Variants in VPS52 observed in about 807,000 individuals in gnomAD.
VPS52 encodes VPS52 subunit of GARP complex, also known as vacuolar protein sorting-associated protein 52 homolog.
In VPS52, 56 loss-of-function variants were observed where a neutral mutation model predicts 98.7. The observed-to-expected ratio is 0.57, with a 90% CI of 0.46 to 0.71. The LOEUF is 0.71. Ranked by LOEUF, VPS52 falls within the 30% of genes least tolerant of loss-of-function variation. The pLI, the probability that VPS52 is intolerant of heterozygous loss-of-function variation, is 0.00. For missense variants in VPS52, 742 were observed against 925.9 expected (o/e 0.80, Z 2.58); for synonymous variants, 348 against 346.4 (o/e 1.00, Z -0.05).
At chr6:33,260,538 C>G (rs1308278082) in intron 17 of VPS52, among the ~76,000 whole-genome samples, 1 of 152,118 alleles carries the variant, frequency 6.6e-6, no homozygotes, top group Non-Finnish European at 1.5e-5. Flanking sequence ...ACTATGAAAT[C>G]CTACTGAAAC....
rs1275137918 is a variant in VPS52, at chr6:33,267,996, A to C, written c.802T>G (p.Phe268Val). The change falls in exon 9 of 20, where the codon TTC (phenylalanine) becomes GTC (valine). Residue 268 changes from phenylalanine to valine, a missense_variant and splice_region_variant. This residue lies in a region of VPS52 where 590 missense variants were observed against 793.3 expected (regional missense o/e 0.74). Coordinates refer to ENST00000445902, the MANE Select transcript of VPS52 (RefSeq NM_022553.6). This position sits in a 1 kb window ranked among gnomAD's most constrained non-coding sequence, Gnocchi z 4.2. ...TTGCCCAGCAGAAACTGATAGAAGAACCTAGGGGGTCAGGAACATGTCAGT... is the reference window on the plus strand; with the variant it reads ...TTGCCCAGCAGAAACTGATAGAAGACCCTAGGGGGTCAGGAACATGTCAGT... ...IPQTALLKYRFFYQFLLGNER... is the reference protein window; with the variant it reads ...IPQTALLKYRVFYQFLLGNER... 1 of 1,612,864 alleles carries C rather than the reference A, an allele frequency of 6.2e-7. No homozygotes were observed. The highest frequency in any genetic ancestry group is 1.3e-5 in the African/African-American group (1 of 74,896).
In VPS52 at chr6:33,269,831, T is replaced by G. The variant is rs200363713; in HGVS notation, c.229-12A>C. The G allele has an allele frequency of 6.8e-6, 11 of 1,612,692 alleles. No individual in the cohort carries two copies. Among genetic ancestry groups the G allele is most frequent in the Middle Eastern group, 1.6e-4 (1 of 6,080 alleles). ...CGGAGATCTACACCCTGGGAGAACA[T>G]AAAGATGACAGGTCAGAAGGAAGTC... On this transcript the variant is annotated splice_polypyrimidine_tract_variant and intron_variant, in intron 3 of 19. Coordinates refer to ENST00000445902, the MANE Select transcript of VPS52 (RefSeq NM_022553.6).
intron 17 of VPS52, among the ~76,000 whole-genome samples, chr6:33,253,986 T>C (rs1050702339): frequency 6.6e-6 from 1 of 151,276 alleles, no homozygotes; most frequent in African/African-American, 2.5e-5. Context: ...TTTCCCATAA[T>C]AAAATGTTAA....
chr6:33,255,462 CTTT>C lies in VPS52; in HGVS notation c.1795-3494_1795-3492del, dbSNP rs9280383. ...TACAAATGCATGCCACTACGCCTGG[CTTT>C]TTTTTTTTTTTTTTTTTTTTTTTAA... On this transcript the variant is annotated intron_variant, in intron 17 of 19. Transcript: ENST00000445902. Among the ~76,000 whole-genome samples, 46 of 117,222 alleles carry C rather than the reference CTTT, an allele frequency of 3.9e-4. 1 individual carries two copies. The South Asian group carries it at 5.8e-3, about 15-fold the overall frequency. 76.9% of individuals were successfully genotyped at this position (117,222 alleles called of 152,430 possible).
intron 17 of VPS52, among the ~76,000 whole-genome samples, chr6:33,255,462 C>CTT (rs9280383): frequency 0.024 from 2,858 of 117,004 alleles, 246 homozygotes; most frequent in African/African-American, 0.093. Flanking sequence ...CTACGCCTGG[C>CTT]TTTTTTTTTT....
chr6:33,270,080 C>T (rs1764819576), intron 2 of VPS52, 29 bp from the exon 3 acceptor site: 19 of 1,614,026 alleles, frequency 1.2e-5, no homozygotes, highest in Non-Finnish European at 1.6e-5. Context: ...CATAAGGGTC[C>T]AGCTCCACAG....
In VPS52 at chr6:33,268,949, A is replaced by G. The variant is rs1354427061; in HGVS notation, c.548+65T>C. On this transcript the variant is annotated intron_variant, in intron 6 of 19. Coordinates refer to ENST00000445902, the MANE Select transcript of VPS52 (RefSeq NM_022553.6). The surrounding 1 kb of genome is among the most constrained non-coding windows in gnomAD (Gnocchi z 4.0). The stretch of plus-strand genomic sequence containing the variant: ...GAGCCAGGAGACCCATATGGTAAAT[A>G]GGGTGGGTCACCCCAGCCCATCCAC... 2.5e-6 allele frequency: 4 copies of G among 1,570,402 alleles called. No individual in the cohort carries two copies. Among genetic ancestry groups the G allele is most frequent in the Non-Finnish European group, 3.5e-6 (4 of 1,154,938 alleles).
At chr6:33,258,885 T>C (rs1763316714) in intron 17 of VPS52, among the ~76,000 whole-genome samples, 1 of 152,054 alleles carries the variant, frequency 6.6e-6, no homozygotes, top group African/African-American at 2.4e-5. Context: ...TTTTAAAAGG[T>C]CAAATGCTAT....
chr6:33,250,867 G>C lies in VPS52; in HGVS notation c.2146C>G (p.Leu716Val). 3 of 1,612,714 alleles carry C rather than the reference G, an allele frequency of 1.9e-6. No homozygotes were observed. Among genetic ancestry groups the C allele is most frequent in the Non-Finnish European group, 2.5e-6 (3 of 1,179,798 alleles). The change falls in exon 20 of 20, where the codon CTC becomes GTC. Residue 716 changes from leucine (L) to valine (V), a missense_variant. Around this residue, in one of 2 missense-constraint regions of VPS52, gnomAD observed 590 missense variants for 793.3 expected, o/e 0.74. Transcript: ENST00000445902. ...CAGAAGTTGGGCTTATGCTTCTTGA[G>C]CTCCACCATAAGGTGGTGAATGTTG... ...LINIHHLMVE[L>V]KKHKPNF is the part of the protein sequence containing the mutation.
chr6:33,261,327 C>T lies in VPS52; in HGVS notation c.1794+2157G>A, dbSNP rs546456862. On this transcript the variant is annotated intron_variant, in intron 17 of 19. Coordinates refer to ENST00000445902, the MANE Select transcript of VPS52 (RefSeq NM_022553.6). ...ACTAAAAACACAAAAACTAGCCCGG[C>T]GTGGTGGCAGGCATCAGTAATCCCA... is the stretch of plus-strand genomic sequence containing the variant. 1.3e-4 allele frequency among the ~76,000 whole-genome samples: 19 copies of T among 151,706 alleles called. 1 individual carries two copies. The South Asian group carries it at 1.3e-3, about 10-fold the overall frequency.
intron 17 of VPS52, among the ~76,000 whole-genome samples, chr6:33,256,909 C>T (rs926244662): frequency 6.7e-6 from 1 of 149,934 alleles, no homozygotes; most frequent in African/African-American, 2.5e-5. Flanking sequence ...TCTGGGCCAA[C>T]CATCCACATA....
intron 18 of VPS52, 54 bp from the exon 19 acceptor site, chr6:33,251,690 A>G (rs1762264525): frequency 6.0e-6 from 9 of 1,492,526 alleles, no homozygotes; most frequent in Non-Finnish European, 8.4e-6. Context: ...CTTCAACTCC[A>G]CTAAGTTCTC....
Position 33,266,612 on chromosome 6 carries a change from G to A in VPS52, c.1226C>T (p.Pro409Leu). ...FICEFFVVSG[P>L]AAHDLFHAVM... ...AGCATGGAACAGGTCGTGTGCAGCT[G>A]GGCCAGACACAACAAAAAATTCACA... is the stretch of plus-strand genomic sequence containing the variant. Residue 409 changes from proline (P) to leucine (L), a missense_variant, in exon 12 of 20, where the codon CCA becomes CTA. Around this residue, in one of 2 missense-constraint regions of VPS52, gnomAD observed 590 missense variants for 793.3 expected, o/e 0.74. Coordinates refer to ENST00000445902, the MANE Select transcript of VPS52 (RefSeq NM_022553.6). The A allele has an allele frequency of 6.2e-7, 1 of 1,612,868 alleles. No homozygotes were observed. Among genetic ancestry groups the A allele is most frequent in the Non-Finnish European group, 8.5e-7 (1 of 1,179,964 alleles).
chr6:33,255,178 A>C (rs1377254299), intron 17 of VPS52, among the ~76,000 whole-genome samples: 2 of 152,144 alleles, frequency 1.3e-5, no homozygotes, highest in Non-Finnish European at 2.9e-5. Context: ...TCTATAACGC[A>C]AAAGAGAACA....
At chr6:33,263,979 C>T in intron 15 of VPS52, 29 bp downstream of exon 15, 1 of 1,614,070 alleles carries the variant, frequency 6.2e-7, no homozygotes. Flanking sequence ...AGCCCTGCTG[C>T]TGGGAAGTGT....
chr6:33,269,727 C>A lies in VPS52; in HGVS notation c.304+17G>T, dbSNP rs1269447672. The A allele has an allele frequency of 1.2e-6, 2 of 1,612,534 alleles. No homozygotes were observed. Among genetic ancestry groups the A allele is most frequent in the Non-Finnish European group, 1.7e-6 (2 of 1,179,010 alleles). On this transcript the variant is annotated intron_variant, in intron 4 of 19. Transcript: ENST00000445902. ...CCCATGTCAATAGCACCACCCCTTC[C>A]CTCTGCTGGAGGATACAATCCCGAA...
Position 33,250,490 on chromosome 6 carries a change from A to C in VPS52, c.*351T>G, listed in dbSNP as rs958894954. On this transcript the variant is annotated 3_prime_UTR_variant, in exon 20 of 20. Transcript: ENST00000445902. ...CTTCATGCCTCAGGACATGGTGACT[A>C]GTTGAGTGAACCAGAGATTGAGGCA... The C allele has an allele frequency of 1.6e-5, 4 of 251,952 alleles. No homozygotes were observed. The highest frequency in any genetic ancestry group is 3.0e-5 in the Non-Finnish European group (4 of 131,994). 15.6% of individuals were successfully genotyped at this position (251,952 alleles called of 1,614,324 possible).
At position 33,271,623 on chromosome 6, in the gene VPS52, G is replaced by T. The variant is rs1328922185; in HGVS notation, c.53C>A (p.Ala18Asp). 4.3e-6 allele frequency: 7 copies of T among 1,612,220 alleles called. No homozygotes were observed. The highest frequency in any genetic ancestry group is 5.9e-6 in the Non-Finnish European group (7 of 1,179,348). Residue 18 changes from alanine to aspartate, a missense_variant, in exon 1 of 20, where the codon GCT (alanine) becomes GAT (aspartate). This residue lies in a region of VPS52 where 152 missense variants were observed against 132.6 expected (regional missense o/e 1.15). Transcript: ENST00000445902. ...TTCCTCCTCCATATCTGAGGTCCCA[G>T]CCCGCAACACCAGTTCCCGGGCCGC... ...AAAARELVLR[A>D]GTSDMEEEEG...
In VPS52 at chr6:33,271,708, C is replaced by A. The variant is rs41266725; in HGVS notation, c.-33G>T. On this transcript the variant is annotated 5_prime_UTR_variant, in exon 1 of 20. Coordinates refer to ENST00000445902, the MANE Select transcript of VPS52 (RefSeq NM_022553.6). ...AGCCTCACTTCCGGCAACTGTCAGT[C>A]CCGGCGAGTCCGTTCCCCGGAGTGG... 292 of 1,581,286 alleles carry A rather than the reference C, an allele frequency of 1.8e-4. No homozygotes were observed. The highest frequency in any genetic ancestry group is 2.4e-4 in the Non-Finnish European group (279 of 1,162,334).
Sources: gnomAD v4.1 joint callset for allele counts (sites outside exome capture counted in the v4.1 genomes callset) on GRCh38, gnomAD v4.1.1 for gene constraint, gnomAD v4.1.1 regional missense constraint, Gnocchi (gnomAD v3.1) non-coding constraint, MANE v1.5 for transcripts, NCBI Gene and HGNC (gene_info 2026-07-23, HGNC 2026-07-21) for gene names.